The following USP48 variants were observed in gnomAD, a reference collection of about 807,000 sequenced individuals.
USP48 encodes ubiquitin carboxyl-terminal hydrolase 48.
Under a neutral mutation model 150.7 loss-of-function variants are expected in USP48, and 43 were observed. That is an observed-to-expected ratio of 0.29 (90% confidence interval 0.22 to 0.37). The LOEUF (loss-of-function observed/expected upper bound fraction) is 0.37, where lower values mean the gene tolerates loss of function less well. Ranked by LOEUF, USP48 falls within the 10% of genes least tolerant of loss-of-function variation. USP48 has a pLI of 1.00. For missense variants in USP48, 813 were observed against 1,249.6 expected, an observed-to-expected ratio of 0.65 and a Z score of 5.27; for synonymous variants, 396 against 425.9, an observed-to-expected ratio of 0.93 and a Z score of 0.86.
chr1:21,721,909 A>T lies in USP48; in HGVS notation c.1649-145T>A, dbSNP rs547867572. The T allele has an allele frequency of 1.3e-4, 65 of 484,292 alleles. No homozygotes were observed. In the East Asian group the frequency reaches 2.1e-3, roughly 16 times the overall value. 30.0% of individuals were successfully genotyped at this position (484,292 alleles called of 1,614,324 possible). ...AATATGGCAAATTGGTATATACCCTAAATTATTTTACTAAGACAATTAGAA... is the reference window on the plus strand; with the variant it reads ...AATATGGCAAATTGGTATATACCCTTAATTATTTTACTAAGACAATTAGAA... On this transcript the variant is annotated intron_variant, in intron 12 of 26. Coordinates refer to ENST00000308271, the MANE Select transcript of USP48 (RefSeq NM_032236.8).
intron 23 of USP48, among the ~76,000 whole-genome samples, chr1:21,691,122 C>G (rs1167473970): frequency 1.3e-5 from 2 of 152,132 alleles, no homozygotes; most frequent in East Asian, 1.9e-4. Flanking sequence ...CGAGACCAGC[C>G]TGACCAACAT....
intron 8 of USP48, among the ~76,000 whole-genome samples, chr1:21,741,183 C>A (rs1044181238): frequency 6.6e-6 from 1 of 152,118 alleles, no homozygotes; most frequent in Non-Finnish European, 1.5e-5. Flanking sequence ...GGTTTTCCTA[C>A]TAGAAAACCA....
intron 1 of USP48, among the ~76,000 whole-genome samples, chr1:21,767,081 G>C (rs6681787): frequency 0.81 from 122,928 of 151,892 alleles, 50,545 homozygotes; most frequent in Admixed American, 0.89. Context: ...CAAAAAACAA[G>C]AACAACAACA....
chr1:21,703,508 G>T lies in USP48; in HGVS notation c.2622+4C>A, dbSNP rs752452490. The stretch of plus-strand genomic sequence containing the variant: ...CTAGTCATTGCCACAAGAGGGACCA[G>T]TACCTTTTTATTATCCACAACTTTA... On this transcript the variant is annotated splice_donor_region_variant and intron_variant, in intron 21 of 26. Transcript: ENST00000308271. 5.0e-6 allele frequency: 8 copies of T among 1,609,198 alleles called. No individual in the cohort carries two copies. In the African/African-American group the frequency reaches 1.1e-4, roughly 22 times the overall value.
chr1:21,712,045 T>G (rs2097691538), intron 15 of USP48, among the ~76,000 whole-genome samples: 1 of 152,224 alleles, frequency 6.6e-6, no homozygotes, highest in African/African-American at 2.4e-5. Flanking sequence ...AATATACTGA[T>G]AGCACAGAGT....
chr1:21,780,706 A>G (rs2097912128), intron 1 of USP48, among the ~76,000 whole-genome samples: 2 of 151,896 alleles, frequency 1.3e-5, no homozygotes, highest in South Asian at 4.2e-4. Context: ...TAGAGGCGGA[A>G]CATACAGGGC....
chr1:21,699,452 C>G (rs1173010984), intron 22 of USP48, among the ~76,000 whole-genome samples: 1 of 151,772 alleles, frequency 6.6e-6, no homozygotes, highest in Non-Finnish European at 1.5e-5. Flanking sequence ...CCCGCCTCAG[C>G]CTCCCAAAGT....
In USP48 at chr1:21,753,822, T is replaced by A. The variant is rs1281216158; in HGVS notation, c.413-703A>T. On this transcript the variant is annotated intron_variant, in intron 3 of 26. Transcript: ENST00000308271. The stretch of plus-strand genomic sequence containing the variant: ...AGCCTGGATGACAGAGCGAGACTCT[T>A]TAAAAAAAAAAAAAAAAAAAAAAAA... Among the ~76,000 whole-genome samples, 27 of 97,948 alleles carry A rather than the reference T, an allele frequency of 2.8e-4. No homozygotes were observed. In the South Asian group the frequency reaches 8.3e-3, roughly 30 times the overall value. The allele number at this position is 97,948 out of a possible 152,430, so 64.3% of individuals were successfully genotyped here. A position where few individuals can be genotyped will look rare whatever the true frequency, so the allele number is the denominator to read the frequency against.
intron 23 of USP48, among the ~76,000 whole-genome samples, chr1:21,690,747 T>C (rs2097596228): frequency 6.6e-6 from 1 of 152,110 alleles, no homozygotes; most frequent in Non-Finnish European, 1.5e-5. Flanking sequence ...CAGGCTGGTC[T>C]CGAATTCTTA....
In USP48 at chr1:21,690,585, G is replaced by A. The variant is rs536482731; in HGVS notation, c.2884-486C>T. Among the ~76,000 whole-genome samples, 8 of 151,872 alleles carry A rather than the reference G, an allele frequency of 5.3e-5. No individual in the cohort carries two copies. The East Asian group carries it at 7.8e-4, about 15-fold the overall frequency. On this transcript the variant is annotated intron_variant, in intron 23 of 26. Transcript: ENST00000308271. ...GTCACCCAGGCTGGAGTGCAGTGGC[G>A]CGATCATGGCTCATTGCAGCCTTGA... is the stretch of plus-strand genomic sequence containing the variant.
intron 1 of USP48, among the ~76,000 whole-genome samples, chr1:21,770,276 A>G (rs1019814680): frequency 6.6e-6 from 1 of 152,084 alleles, no homozygotes; most frequent in African/African-American, 2.4e-5. Flanking sequence ...ACAATGTATG[A>G]ATATACATAA....
rs1178393133 is a variant in USP48, at chr1:21,679,452, A to G, written c.3086-13T>C. Reference sequence around the variant, plus strand: ...AGAAGACCAGTACCTGGGAAAAGAAACACACGTGGAGGGATAGTTGTGAAC... The same window carrying G: ...AGAAGACCAGTACCTGGGAAAAGAAGCACACGTGGAGGGATAGTTGTGAAC... On this transcript the variant is annotated splice_polypyrimidine_tract_variant and intron_variant, in intron 26 of 26. Transcript: ENST00000308271. 2 of 1,613,998 alleles carry G rather than the reference A, an allele frequency of 1.2e-6. No individual in the cohort carries two copies. Among genetic ancestry groups the G allele is most frequent in the East Asian group, 2.2e-5 (1 of 44,884 alleles).
At chr1:21,757,546 T>G in intron 2 of USP48, 117 bp downstream of exon 2, 2 of 1,165,966 alleles carry the variant, frequency 1.7e-6, no homozygotes, top group Non-Finnish European at 2.4e-6. Context: ...ACTGCTTATC[T>G]TAAAGCTGCA....
intron 15 of USP48, among the ~76,000 whole-genome samples, chr1:21,713,758 C>A (rs2097696730): frequency 6.6e-6 from 1 of 152,186 alleles, no homozygotes; most frequent in African/African-American, 2.4e-5. Context: ...AACTTCCTTC[C>A]CCTGTTTATT....
At position 21,709,369 on chromosome 1, in the gene USP48, A is replaced by C. The variant is rs571943412; in HGVS notation, c.1964-2501T>G. On this transcript the variant is annotated intron_variant, in intron 15 of 26. Transcript: ENST00000308271. ...AATTTAAATTTCCCGTGAGTCTATGAAAACTTATTCTAACGTGCCCATCCT... is the reference window on the plus strand; with the variant it reads ...AATTTAAATTTCCCGTGAGTCTATGCAAACTTATTCTAACGTGCCCATCCT... Among the ~76,000 whole-genome samples the C allele has an allele frequency of 1.4e-4, 21 of 152,250 alleles. No individual in the cohort carries two copies. In the East Asian group the frequency reaches 3.9e-3, roughly 28 times the overall value.
At chr1:21,766,958 GGAGGCT>G (rs1387992633) in intron 1 of USP48, among the ~76,000 whole-genome samples, 3 of 152,044 alleles carry the variant, frequency 2.0e-5, no homozygotes, top group Non-Finnish European at 4.4e-5. Flanking sequence ...CAGCTACTTG[GGAGGCT>G]GAGGCAGGAG....
chr1:21,744,103 T>C (rs2097788355), intron 8 of USP48, among the ~76,000 whole-genome samples: 1 of 152,242 alleles, frequency 6.6e-6, no homozygotes, highest in Non-Finnish European at 1.5e-5. Flanking sequence ...ATTACCATTC[T>C]TGCAGATAAC....
In USP48 at chr1:21,687,227, T is replaced by C. The variant is rs1298998559; in HGVS notation, c.3022A>G (p.Ile1008Val). 6 of 1,612,930 alleles carry C rather than the reference T, an allele frequency of 3.7e-6. No individual in the cohort carries two copies. The highest frequency in any genetic ancestry group is 5.1e-6 in the Non-Finnish European group (6 of 1,179,402). The change falls in exon 25 of 27, where the codon ATT becomes GTT. Residue 1008 changes from isoleucine (I) to valine (V), a missense_variant. Physicochemically the swap from Ile to Val is conservative, Grantham distance 29. Transcript: ENST00000308271. ...SVILLKADEP[I>V]ADYAAMDDVM... is the part of the protein sequence containing the mutation. ...TCATCCATTGCAGCATAATCTGCAA[T>C]TGGTTCATCAGCCTAGAAAACAAAT...
chr1:21,745,698 T>C (rs1042943720), intron 8 of USP48, among the ~76,000 whole-genome samples: 9 of 152,244 alleles, frequency 5.9e-5, no homozygotes, highest in African/African-American at 2.2e-4. Flanking sequence ...AAATATATAA[T>C]AAACTTAGTA....
Sources: allele counts gnomAD v4.1 joint callset (sites outside exome capture counted in the v4.1 genomes callset), GRCh38; gene constraint gnomAD v4.1.1; transcripts MANE v1.5; gene names NCBI Gene and HGNC (gene_info 2026-07-23, HGNC 2026-07-21).